Variants in MAST4 observed in about 807,000 individuals in gnomAD.
MAST4 encodes microtubule associated serine/threonine kinase family member 4.
Under a neutral mutation model 162.7 loss-of-function variants are expected in MAST4, and 89 were observed. That is an observed-to-expected ratio of 0.55 (90% CI 0.46 to 0.65). The LOEUF is 0.65. MAST4 is among the 30% of genes least tolerant of loss of function. MAST4 has a pLI of 0.00. For synonymous variants in MAST4, 1,479 were observed against 1,361.1 expected, an observed-to-expected ratio of 1.09 and a Z score of -1.91; for missense variants, 3,153 against 3,374.0, an observed-to-expected ratio of 0.93 and a Z score of 1.62.
chr5:67,071,365 G>A (rs1236467050), intron 5 of MAST4, among the ~76,000 whole-genome samples: 2 of 152,190 alleles, frequency 1.3e-5, no homozygotes, highest in African/African-American at 2.4e-5. Context: ...ACTCTATTTG[G>A]TAGGGAGGGA....
chr5:66,926,575 TAC>T (rs1207722280), intron 4 of MAST4, among the ~76,000 whole-genome samples: 6 of 151,388 alleles, frequency 4.0e-5, no homozygotes, highest in Admixed American at 2.0e-4. Context: ...TCTATATATA[TAC>T]ACACACACAC....
intron 3 of MAST4, among the ~76,000 whole-genome samples, chr5:66,842,674 T>A (rs1758513845): frequency 6.6e-6 from 1 of 152,154 alleles, no homozygotes; most frequent in African/African-American, 2.4e-5. Flanking sequence ...TGGGTGCCAC[T>A]CTCTCTAGAA....
Position 67,164,505 on chromosome 5 carries a change from G to C in MAST4, c.5326G>C (p.Ala1776Pro). ...TGGAACGGAGAAGCCTGGCTTGGTT[G>C]CTCCTGAGTCCCCTGTTAGGAAGAG... Reference protein sequence around the residue: ...DSGTEKPGLVAPESPVRKSPS... With the variant: ...DSGTEKPGLVPPESPVRKSPS... Residue 1776 changes from alanine (A) to proline (P), a missense_variant, in exon 29 of 29, where the codon GCT (alanine) becomes CCT (proline). Physicochemically the swap from Ala to Pro is conservative, Grantham distance 27. Around this residue, in one of 7 missense-constraint regions of MAST4, gnomAD observed 1,644 missense variants for 1,495.0 expected, o/e 1.10. Coordinates refer to ENST00000403625, the MANE Select transcript of MAST4 (RefSeq NM_001164664.2). This position sits in a 1 kb window ranked among gnomAD's most constrained non-coding sequence, Gnocchi z 5.3. 1 of 1,613,996 alleles carries C rather than the reference G, an allele frequency of 6.2e-7. No individual in the cohort carries two copies. The highest frequency in any genetic ancestry group is 1.7e-5 in the Admixed American group (1 of 60,022).
intron 4 of MAST4, among the ~76,000 whole-genome samples, chr5:67,050,995 CT>C (rs1348732964): frequency 2.0e-5 from 3 of 152,060 alleles, no homozygotes; most frequent in African/African-American, 7.2e-5. Context: ...GAGTTCATAA[CT>C]TTTCTTTAGT....
intron 5 of MAST4, among the ~76,000 whole-genome samples, chr5:67,062,971 G>A (rs1759809924): frequency 6.6e-6 from 1 of 152,080 alleles, no homozygotes; most frequent in Non-Finnish European, 1.5e-5. Flanking sequence ...GTCAGCCATG[G>A]GTAGAGCATC....
At chr5:66,858,627 CT>C in intron 3 of MAST4, among the ~76,000 whole-genome samples, 1 of 152,156 alleles carries the variant, frequency 6.6e-6, no homozygotes, top group South Asian at 2.1e-4. Context: ...TTTTGTTCTT[CT>C]TTTATTTAGA....
At chr5:66,791,311 A>G (rs1173464505) in intron 3 of MAST4, among the ~76,000 whole-genome samples, 1 of 152,240 alleles carries the variant, frequency 6.6e-6, no homozygotes, top group Non-Finnish European at 1.5e-5. Context: ...GGCATTAGCC[A>G]CCATGTCCAG....
chr5:67,163,672 C>T lies in MAST4; in HGVS notation c.4493C>T (p.Pro1498Leu), dbSNP rs1442218096. Residue 1498 changes from proline (P) to leucine (L), a missense_variant, in exon 29 of 29, where the codon CCG (proline) becomes CTG (leucine). By Grantham distance (98) the Pro-to-Leu change is moderately conservative (BLOSUM62 -3). Coordinates refer to ENST00000403625, the MANE Select transcript of MAST4 (RefSeq NM_001164664.2). The surrounding 1 kb of genome is among the most constrained non-coding windows in gnomAD (Gnocchi z 7.0). ...GATGAGAACGTGTGCGACGTGCCGCCGCTCAGCCGCGCCCGGCCAGTGGAG... is the reference window on the plus strand; with the variant it reads ...GATGAGAACGTGTGCGACGTGCCGCTGCTCAGCCGCGCCCGGCCAGTGGAG... ...SLDENVCDVP[P>L]LSRARPVEQG... is the part of the protein sequence containing the mutation. The T allele has an allele frequency of 6.2e-7, 1 of 1,608,284 alleles. No homozygotes were observed. Among genetic ancestry groups the T allele is most frequent in the Non-Finnish European group, 8.5e-7 (1 of 1,178,012 alleles).
At chr5:66,687,424 T>C (rs1376798251) in intron 1 of MAST4, among the ~76,000 whole-genome samples, 3 of 151,868 alleles carry the variant, frequency 2.0e-5, no homozygotes, top group Non-Finnish European at 4.4e-5. Context: ...TTCATTTTTA[T>C]GGCTGCATAG....
chr5:67,150,805 C>T (rs984978943), intron 24 of MAST4, among the ~76,000 whole-genome samples: 22 of 152,142 alleles, frequency 1.4e-4, no homozygotes, highest in Admixed American at 1.4e-3. Flanking sequence ...GCATCTCTTC[C>T]CCTGTCCTTT....
chr5:66,772,028 C>T (rs1754381863), intron 2 of MAST4, among the ~76,000 whole-genome samples: 1 of 152,188 alleles, frequency 6.6e-6, no homozygotes, highest in Admixed American at 6.5e-5. Flanking sequence ...GATGAAGTGG[C>T]TTTAGCTCCT....
rs1167574494 is a variant in MAST4 at position 67,169,093 on chromosome 5, A to T, written c.*2042A>T. 1 of 152,180 alleles carries T rather than the reference A, an allele frequency of 6.6e-6. No individual in the cohort carries two copies. The allele number at this position is 152,180 out of a possible 1,614,324, so 9.4% of individuals were successfully genotyped here. A position where few individuals can be genotyped will look rare whatever the true frequency, so the allele number is the denominator to read the frequency against. ...CATATCTGTGTTTGGCAGTTGTCAT[A>T]ACCCAATCCTACATTCAGCCATCGG... On this transcript the variant is annotated 3_prime_UTR_variant, in exon 29 of 29. Coordinates refer to ENST00000403625, the MANE Select transcript of MAST4 (RefSeq NM_001164664.2).
chr5:67,003,878 G>A (rs1451276146), intron 4 of MAST4: 1 of 152,180 alleles, frequency 6.6e-6, no homozygotes, highest in South Asian at 2.1e-4. Context: ...AAGCCAAACA[G>A]GTGTGCACCG....
chr5:67,087,060 A>G (rs1331638489), intron 5 of MAST4, among the ~76,000 whole-genome samples: 2 of 152,136 alleles, frequency 1.3e-5, no homozygotes, highest in African/African-American at 2.4e-5. Context: ...TAGTCTTATA[A>G]TTCCTCCCTA....
chr5:66,872,987 T>C (rs1761050739), intron 3 of MAST4, among the ~76,000 whole-genome samples: 1 of 152,250 alleles, frequency 6.6e-6, no homozygotes, highest in Non-Finnish European at 1.5e-5. Context: ...TAGTACACTA[T>C]AAATTAGCTA....
chr5:66,964,377 T>C (rs1426562922), intron 4 of MAST4, among the ~76,000 whole-genome samples: 1 of 152,224 alleles, frequency 6.6e-6, no homozygotes, highest in African/African-American at 2.4e-5. Context: ...ACTGCTACTA[T>C]AGTATCTATG....
chr5:67,084,640 AATT>A (rs1236237739), intron 5 of MAST4, among the ~76,000 whole-genome samples: 1 of 152,154 alleles, frequency 6.6e-6, no homozygotes, highest in Non-Finnish European at 1.5e-5. Context: ...TACAGTTATA[AATT>A]ATTTAGAGAA....
intron 3 of MAST4, among the ~76,000 whole-genome samples, chr5:66,842,743 A>G (rs1391478725): frequency 6.6e-6 from 1 of 152,134 alleles, no homozygotes; most frequent in East Asian, 1.9e-4. Flanking sequence ...GACCTATTTC[A>G]CAGAGCTTAC....
At chr5:66,996,931 C>A (rs1255387679) in intron 4 of MAST4, among the ~76,000 whole-genome samples, 1 of 152,206 alleles carries the variant, frequency 6.6e-6, no homozygotes, top group African/African-American at 2.4e-5. Context: ...ATCTATTATT[C>A]AGCCTACTGT....
Sources: gnomAD v4.1 joint callset for allele counts (sites outside exome capture counted in the v4.1 genomes callset) on GRCh38, gnomAD v4.1.1 for gene constraint, gnomAD v4.1.1 regional missense constraint, Gnocchi (gnomAD v3.1) non-coding constraint, MANE v1.5 for transcripts, NCBI Gene and HGNC (gene_info 2026-07-23, HGNC 2026-07-21) for gene names.